Variants in DDR2 observed in about 807,000 individuals in gnomAD.
DDR2 encodes the protein discoidin domain-containing receptor 2.
Under a neutral mutation model 94.9 loss-of-function variants are expected in DDR2, and 27 were observed. The observed-to-expected ratio is 0.28, with a 90% CI of 0.21 to 0.39. The LOEUF (loss-of-function observed/expected upper bound fraction) is 0.39. DDR2 is among the 10% of genes least tolerant of loss of function. The probability of loss-of-function intolerance (pLI) is 1.00; values close to 1 mark genes in which losing one functional copy is unlikely to be tolerated. For missense variants in DDR2, 783 were observed against 1,076.0 expected, an observed-to-expected ratio of 0.73 and a Z score of 3.81; for synonymous variants, 382 against 377.2, an observed-to-expected ratio of 1.01 and a Z score of -0.15.
chr1:162,750,058 G>C lies in DDR2; in HGVS notation c.83-3037G>C, dbSNP rs532997178. The stretch of plus-strand genomic sequence containing the variant: ...TATCATACTGAATGGGCAAAAACTG[G>C]AAGCATTCCCTTTGAAAACTGGCAC... On this transcript the variant is annotated intron_variant, in intron 3 of 17. Coordinates refer to ENST00000367921, the MANE Select transcript of DDR2 (RefSeq NM_006182.4). Among the ~76,000 whole-genome samples, 421 of 152,264 alleles carry C rather than the reference G, an allele frequency of 2.8e-3. 2 individuals are homozygous for C. Among genetic ancestry groups the C allele is most frequent in the African/African-American group, 9.5e-3 (396 of 41,540 alleles).
At chr1:162,710,310 C>T (rs904170698) in intron 2 of DDR2, among the ~76,000 whole-genome samples, 2 of 152,156 alleles carry the variant, frequency 1.3e-5, no homozygotes, top group Non-Finnish European at 2.9e-5. Context: ...TGGGGCACAT[C>T]CTATGTGCCC....
intron 17 of DDR2, 98 bp downstream of exon 17, chr1:162,778,827 C>G: frequency 6.8e-7 from 1 of 1,479,608 alleles, no homozygotes; most frequent in Non-Finnish European, 9.4e-7. Context: ...AGATGGAAGA[C>G]AGACTATCCA....
chr1:162,693,761 A>C (rs2101981162), intron 2 of DDR2, among the ~76,000 whole-genome samples: 1 of 152,286 alleles, frequency 6.6e-6, no homozygotes, highest in African/African-American at 2.4e-5. Flanking sequence ...TGAAGTGAGT[A>C]AGGGAGGCTG....
chr1:162,657,120 G>A (rs7411405), intron 2 of DDR2, among the ~76,000 whole-genome samples: 126,170 of 151,906 alleles, frequency 0.83, 53,058 homozygotes, highest in Middle Eastern at 0.93. Flanking sequence ...GATTACAGGC[G>A]TGAGCCACCA....
chr1:162,664,308 A>C (rs1658440385), intron 2 of DDR2, among the ~76,000 whole-genome samples: 1 of 152,164 alleles, frequency 6.6e-6, no homozygotes, highest in Non-Finnish European at 1.5e-5. Context: ...ATAATCAGAA[A>C]TAGAAACAAA....
At chr1:162,666,655 C>T (rs1180997514) in intron 2 of DDR2, among the ~76,000 whole-genome samples, 1 of 152,116 alleles carries the variant, frequency 6.6e-6, no homozygotes, top group Non-Finnish European at 1.5e-5. Flanking sequence ...CACATGGTTG[C>T]AGCTGAATAG....
At chr1:162,646,536 G>T (rs892851727) in intron 1 of DDR2, among the ~76,000 whole-genome samples, 1 of 152,194 alleles carries the variant, frequency 6.6e-6, no homozygotes, top group African/African-American at 2.4e-5. Flanking sequence ...CACATGACAA[G>T]TAAGTGGCAG....
chr1:162,651,785 A>G (rs1381093894), intron 1 of DDR2, among the ~76,000 whole-genome samples: 1 of 152,224 alleles, frequency 6.6e-6, no homozygotes, highest in African/African-American at 2.4e-5. Context: ...AATAATCTAC[A>G]ATAATCCAAA....
In DDR2 at chr1:162,780,556, G is replaced by A. The variant is rs865980532; in HGVS notation, c.*310G>A. 8 of 333,718 alleles carry A rather than the reference G, an allele frequency of 2.4e-5. No individual in the cohort carries two copies. Among genetic ancestry groups the A allele is most frequent in the African/African-American group, 1.7e-4 (8 of 47,522 alleles). The allele number at this position is 333,718 out of a possible 1,614,324, so 20.7% of individuals were successfully genotyped here. On this transcript the variant is annotated 3_prime_UTR_variant, in exon 18 of 18. Coordinates refer to ENST00000367921, the MANE Select transcript of DDR2 (RefSeq NM_006182.4). ...CTAGAAAATTCAGATAATTTATAAA[G>A]GTTAACTATACTTGTGCTTATAAAT... is the stretch of plus-strand genomic sequence containing the variant.
At position 162,636,590 on chromosome 1, in the gene DDR2, T is replaced by A. The variant is rs543513005; in HGVS notation, c.-192+3959T>A. On this transcript the variant is annotated intron_variant, in intron 1 of 17. Transcript: ENST00000367921. ...GATGCGTGATGTAGTGAAAAGAACATGTAGTGAGGCTCTAGTCCCACCACC... is the reference window on the plus strand; with the variant it reads ...GATGCGTGATGTAGTGAAAAGAACAAGTAGTGAGGCTCTAGTCCCACCACC... Among the ~76,000 whole-genome samples, 10 of 152,266 alleles carry A rather than the reference T, an allele frequency of 6.6e-5. No individual in the cohort carries two copies. The South Asian group carries it at 2.1e-3, about 32-fold the overall frequency.
At chr1:162,780,039 C>G (rs1441201509) in intron 17 of DDR2, 73 bp from the exon 18 acceptor site, 2 of 1,599,928 alleles carry the variant, frequency 1.3e-6, no homozygotes, top group Non-Finnish European at 1.7e-6. Context: ...TGCAAAGATA[C>G]TTCCCTTTCC....
At chr1:162,736,385 G>T (rs1182190904) in intron 3 of DDR2, among the ~76,000 whole-genome samples, 1 of 152,234 alleles carries the variant, frequency 6.6e-6, no homozygotes, top group Admixed American at 6.5e-5. Context: ...AGAACCGGGA[G>T]TGGATGCGAA....
At chr1:162,686,464 G>A (rs575100952) in intron 2 of DDR2, among the ~76,000 whole-genome samples, 4 of 152,256 alleles carry the variant, frequency 2.6e-5, no homozygotes, top group South Asian at 2.1e-4. Flanking sequence ...GAGAATATGC[G>A]GTGTTTGGTT....
intron 2 of DDR2, among the ~76,000 whole-genome samples, chr1:162,695,051 G>C (rs1033710563): frequency 5.9e-5 from 9 of 151,978 alleles, no homozygotes; most frequent in Admixed American, 4.6e-4. Context: ...CTGTGACTTA[G>C]TTCTAGAATT....
intron 2 of DDR2, among the ~76,000 whole-genome samples, chr1:162,702,912 A>ACTCT (rs533579362): frequency 1.3e-5 from 2 of 148,192 alleles, no homozygotes; most frequent in Non-Finnish European, 3.0e-5. Flanking sequence ...GGTCTTTTAT[A>ACTCT]CTCTCTCTCT....
chr1:162,658,853 A>T (rs943473356), intron 2 of DDR2, among the ~76,000 whole-genome samples: 17 of 27,582 alleles, frequency 6.2e-4, no homozygotes, highest in Non-Finnish European at 1.6e-3. Flanking sequence ...AATAAATAAA[A>T]GTTCTTCAAA....
chr1:162,645,867 C>G (rs72707685), intron 1 of DDR2, among the ~76,000 whole-genome samples: 11,369 of 152,154 alleles, frequency 0.075, 442 homozygotes, highest in Admixed American at 0.095. Context: ...GATATCTAAT[C>G]CATTTACTAA....
At chr1:162,726,047 G>A (rs1178484392) in intron 3 of DDR2, among the ~76,000 whole-genome samples, 2 of 152,176 alleles carry the variant, frequency 1.3e-5, no homozygotes, top group Non-Finnish European at 2.9e-5. Context: ...AGAGTTTTGG[G>A]TTCTCTGAAC....
intron 2 of DDR2, among the ~76,000 whole-genome samples, chr1:162,655,585 G>A (rs1056166512): frequency 6.6e-5 from 10 of 152,136 alleles, no homozygotes; most frequent in African/African-American, 1.9e-4. Context: ...TTTCACTTCC[G>A]TTGATTTGGT....
Sources: allele counts gnomAD v4.1 joint callset (sites outside exome capture counted in the v4.1 genomes callset), GRCh38; gene constraint gnomAD v4.1.1; transcripts MANE v1.5; gene names NCBI Gene and HGNC (gene_info 2026-07-23, HGNC 2026-07-21).